The following JADE1 variants were observed in gnomAD, a reference collection of about 807,000 sequenced individuals.
JADE1 encodes the protein protein Jade-1.
JADE1 carries 14 observed loss-of-function variants against 81.8 expected under a neutral mutation model. The ratio of observed to expected loss-of-function variants is 0.17; its 90% CI spans 0.11 to 0.27. JADE1 has a LOEUF of 0.27. Among genes scored for constraint, JADE1 ranks in the 10% least tolerant of loss-of-function variants. The pLI is 1.00. For missense variants in JADE1, 690 were observed against 1,047.9 expected, an observed-to-expected ratio of 0.66 and a Z score of 4.71; for synonymous variants, 353 against 391.9, an observed-to-expected ratio of 0.90 and a Z score of 1.17.
chr4:128,815,049 A>C (rs977753239), intron 1 of JADE1, among the ~76,000 whole-genome samples: 93 of 148,012 alleles, frequency 6.3e-4, no homozygotes, highest in Non-Finnish European at 1.2e-3. Context: ...ATCTTAAGTA[A>C]CTTTTTTTTT....
intron 1 of JADE1, among the ~76,000 whole-genome samples, chr4:128,826,873 G>A (rs1223074445): frequency 2.0e-5 from 3 of 152,100 alleles, no homozygotes; most frequent in South Asian, 2.1e-4. Flanking sequence ...CCGGTCCTCC[G>A]CGTGAATGGG....
chr4:128,849,860 G>A (rs1219957610), intron 5 of JADE1, among the ~76,000 whole-genome samples: 1 of 152,124 alleles, frequency 6.6e-6, no homozygotes, highest in African/African-American at 2.4e-5. Flanking sequence ...GTTGCCTTGA[G>A]GGTCTTGATG....
Position 128,871,596 on chromosome 4 carries a change from G to A in JADE1, c.1863G>A (p.Arg621=). The change falls in exon 11 of 11, where the codon AGG becomes AGA. Residue 621 remains arginine (R), a synonymous_variant. Coordinates refer to ENST00000226319, the MANE Select transcript of JADE1 (RefSeq NM_199320.4). This position sits in a 1 kb window ranked among gnomAD's most constrained non-coding sequence, Gnocchi z 4.1. The part of the protein sequence containing the change: ...LLKQPDLCGR[R]EGMVVPESFL... Reference sequence around the variant, plus strand: ...AGCAGCCAGACCTGTGTGGTAGAAGGGAGGGGATGGTGGTCCCAGAGAGCT... The same window carrying A: ...AGCAGCCAGACCTGTGTGGTAGAAGAGAGGGGATGGTGGTCCCAGAGAGCT... The A allele has an allele frequency of 6.2e-7, 1 of 1,614,192 alleles. No homozygotes were observed. The highest frequency in any genetic ancestry group is 8.5e-7 in the Non-Finnish European group (1 of 1,180,034).
Position 128,872,187 on chromosome 4 carries a change from A to G in JADE1, c.2454A>G (p.Glu818=), listed in dbSNP as rs763705670. The change falls in exon 11 of 11, where the codon GAA becomes GAG. Residue 818 remains glutamate, a synonymous_variant. Transcript: ENST00000226319. ...GTGACTCAGAGAGTGAGGCATCAGAAAAGAAATGTATACACACCAGCAGCA... is the reference window on the plus strand; with the variant it reads ...GTGACTCAGAGAGTGAGGCATCAGAGAAGAAATGTATACACACCAGCAGCA... The part of the protein sequence containing the change: ...EMSDSESEAS[E]KKCIHTSSTI... 2.5e-6 allele frequency: 4 copies of G among 1,614,068 alleles called. No homozygotes were observed. In the East Asian group the frequency reaches 8.9e-5, roughly 36 times the overall value.
At chr4:128,840,597 G>A (rs1013622690) in intron 2 of JADE1, among the ~76,000 whole-genome samples, 1 of 152,168 alleles carries the variant, frequency 6.6e-6, no homozygotes, top group Admixed American at 6.5e-5. Context: ...CAGGACAAGA[G>A]GGAGAAAGAG....
intron 7 of JADE1, among the ~76,000 whole-genome samples, chr4:128,856,825 C>T (rs529670751): frequency 8.5e-5 from 13 of 152,192 alleles, no homozygotes; most frequent in South Asian, 6.2e-4. Flanking sequence ...GGATACAATT[C>T]GGTGATCCAG....
At chr4:128,837,726 C>T (rs1729097736) in intron 2 of JADE1, among the ~76,000 whole-genome samples, 2 of 152,106 alleles carry the variant, frequency 1.3e-5, no homozygotes, top group Non-Finnish European at 2.9e-5. Flanking sequence ...CTGCTGGACT[C>T]GATACTTGCC....
chr4:128,864,236 C>A, intron 9 of JADE1: 1 of 589,196 alleles, frequency 1.7e-6, no homozygotes, highest in Non-Finnish European at 2.1e-6. Flanking sequence ...CAGCCTCCGC[C>A]TCCCGGGTTC....
At chr4:128,826,464 T>A (rs1054137884) in intron 1 of JADE1, among the ~76,000 whole-genome samples, 1 of 151,844 alleles carries the variant, frequency 6.6e-6, no homozygotes, top group Admixed American at 6.6e-5. Context: ...TTCAAGTGAT[T>A]TTCCTGCCTC....
chr4:128,823,281 C>T (rs1368725537), intron 1 of JADE1, among the ~76,000 whole-genome samples: 3 of 152,174 alleles, frequency 2.0e-5, no homozygotes, highest in Non-Finnish European at 2.9e-5. Context: ...ATTATTTATA[C>T]ATTGGCAAAT....
chr4:128,848,075 G>A (rs1048110919), intron 4 of JADE1, among the ~76,000 whole-genome samples: 2 of 152,194 alleles, frequency 1.3e-5, no homozygotes, highest in African/African-American at 4.8e-5. Context: ...GGAGAAACTT[G>A]TGCTTTTGTT....
chr4:128,831,696 A>G, intron 1 of JADE1, 37 bp from the exon 2 acceptor site: 2 of 1,581,996 alleles, frequency 1.3e-6, no homozygotes, highest in Admixed American at 1.7e-5. Context: ...ATTGTGTATT[A>G]TCATCTTGGG....
intron 7 of JADE1, 57 bp from the exon 8 acceptor site, chr4:128,857,281 T>C: frequency 1.6e-6 from 2 of 1,282,560 alleles, no homozygotes; most frequent in Non-Finnish European, 1.1e-6. Context: ...TTTCTGACAT[T>C]CATGTTCAGC....
intron 2 of JADE1, among the ~76,000 whole-genome samples, chr4:128,836,678 T>C (rs1729008183): frequency 6.6e-6 from 1 of 152,098 alleles, no homozygotes; most frequent in Non-Finnish European, 1.5e-5. Flanking sequence ...TAACCTTGTT[T>C]TTATCAGGAA....
In JADE1 at chr4:128,843,052, G is replaced by A; in HGVS notation, c.138+14G>A. ...AAGCCTTCAGAGGTACTTCTTGAAT[G>A]CTTGCCTGACCGTGCATGAATATAT... On this transcript the variant is annotated intron_variant, in intron 3 of 10. Transcript: ENST00000226319. The A allele has an allele frequency of 6.2e-7, 1 of 1,607,612 alleles. No homozygotes were observed. The highest frequency in any genetic ancestry group is 8.5e-7 in the Non-Finnish European group (1 of 1,174,386).
intron 2 of JADE1, among the ~76,000 whole-genome samples, chr4:128,833,841 T>A (rs2125831493): frequency 6.6e-6 from 1 of 152,326 alleles, no homozygotes; most frequent in South Asian, 2.1e-4. Flanking sequence ...GCTCACTCTG[T>A]CTGCTCTCGT....
intron 1 of JADE1, among the ~76,000 whole-genome samples, chr4:128,812,300 A>G (rs1035614372): frequency 2.7e-5 from 4 of 150,472 alleles, no homozygotes; most frequent in African/African-American, 7.3e-5. Context: ...TCGCCTCGGG[A>G]GGAGGAGGAG....
rs754923715 is a variant in JADE1 at position 128,873,702 on chromosome 4, C to T, written c.*1440C>T. ...GAATTATGGGCCTTTGGAACAAGCC[C>T]GACTTCCCCTAAATTCTCCTTAGTT... is the stretch of plus-strand genomic sequence containing the variant. On this transcript the variant is annotated 3_prime_UTR_variant, in exon 11 of 11. Transcript: ENST00000226319. 2 of 152,244 alleles carry T rather than the reference C, an allele frequency of 1.3e-5. No homozygotes were observed. The highest frequency in any genetic ancestry group is 2.1e-4 in the South Asian group (1 of 4,828). 9.4% of individuals were successfully genotyped at this position (152,244 alleles called of 1,614,324 possible).
chr4:128,851,764 A>G (rs1270667489), intron 5 of JADE1, among the ~76,000 whole-genome samples: 1 of 152,160 alleles, frequency 6.6e-6, no homozygotes, highest in African/African-American at 2.4e-5. Flanking sequence ...CCTGGGCTCA[A>G]GCAGTTCTCC....
Sources: gnomAD v4.1 joint callset for allele counts (sites outside exome capture counted in the v4.1 genomes callset) on GRCh38, gnomAD v4.1.1 for gene constraint, Gnocchi (gnomAD v3.1) non-coding constraint, MANE v1.5 for transcripts, NCBI Gene and HGNC (gene_info 2026-07-23, HGNC 2026-07-21) for gene names.